The following CUL3 variants were observed in gnomAD, a reference collection of about 807,000 sequenced individuals.
CUL3 encodes the protein cullin 3.
Under a neutral mutation model 89.1 loss-of-function variants are expected in CUL3, and 19 were observed. That is an observed-to-expected ratio of 0.21 (90% CI 0.15 to 0.31). CUL3 has a LOEUF of 0.31. Ranked by LOEUF, CUL3 falls within the 10% of genes least tolerant of loss-of-function variation. CUL3 has a pLI of 1.00. For missense variants in CUL3, 469 were observed against 942.3 expected, an observed-to-expected ratio of 0.50 and a Z score of 6.58; for synonymous variants, 351 against 308.4, an observed-to-expected ratio of 1.14 and a Z score of -1.45.
At chr2:224,575,920 C>T (rs1695286846) in intron 1 of CUL3, among the ~76,000 whole-genome samples, 1 of 152,052 alleles carries the variant, frequency 6.6e-6, no homozygotes, top group Non-Finnish European at 1.5e-5. Flanking sequence ...ACACAATAAA[C>T]GTATTTTAAA....
At chr2:224,479,934 G>A (rs1469918488) in intron 14 of CUL3, 1 of 152,184 alleles carries the variant, frequency 6.6e-6, no homozygotes, top group Non-Finnish European at 1.5e-5. Flanking sequence ...TGGATGTGCA[G>A]ATCGTGCTGA....
chr2:224,486,940 A>G (rs758179227), intron 13 of CUL3, among the ~76,000 whole-genome samples: 2 of 152,222 alleles, frequency 1.3e-5, no homozygotes, highest in Non-Finnish European at 2.9e-5. Flanking sequence ...ACAAGCCAGA[A>G]GAGAGTGGGG....
intron 1 of CUL3, among the ~76,000 whole-genome samples, chr2:224,571,653 C>CA (rs11289364): frequency 1.5e-4 from 22 of 151,700 alleles, no homozygotes; most frequent in African/African-American, 5.3e-4. Context: ...GTCAACTCAC[C>CA]AAAAAAAATG....
At chr2:224,484,823 G>C (rs1456373322) in intron 13 of CUL3, among the ~76,000 whole-genome samples, 1 of 152,094 alleles carries the variant, frequency 6.6e-6, no homozygotes, top group Non-Finnish European at 1.5e-5. Context: ...TTTTAGAAAC[G>C]ACAAATTTGA....
chr2:224,584,910 G>A lies in CUL3; in HGVS notation c.66+34C>T, dbSNP rs1157412908. The stretch of plus-strand genomic sequence containing the variant: ...CGTGCGGCTCTCGGCCCGGCCCCCG[G>A]CCCCGGGGTCCCGGACGCCGAGGAG... On this transcript the variant is annotated intron_variant, in intron 1 of 15. Coordinates refer to ENST00000264414, the MANE Select transcript of CUL3 (RefSeq NM_003590.5). 3.2e-5 allele frequency: 46 copies of A among 1,442,826 alleles called. No individual in the cohort carries two copies. In the East Asian group the frequency reaches 1.4e-3, roughly 44 times the overall value. 89.4% of individuals were successfully genotyped at this position (1,442,826 alleles called of 1,614,324 possible).
chr2:224,520,444 T>C (rs1225558995), intron 3 of CUL3, among the ~76,000 whole-genome samples: 1 of 152,242 alleles, frequency 6.6e-6, no homozygotes, highest in Non-Finnish European at 1.5e-5. Flanking sequence ...AAGCACTTCA[T>C]TTGTAACATA....
chr2:224,535,268 G>A (rs886225175), intron 3 of CUL3, among the ~76,000 whole-genome samples: 15 of 152,120 alleles, frequency 9.9e-5, no homozygotes, highest in Admixed American at 8.5e-4. Flanking sequence ...CTCACCCCCC[G>A]GTTCAAGCGA....
At chr2:224,522,544 CAG>C (rs891403398) in intron 3 of CUL3, among the ~76,000 whole-genome samples, 17 of 152,122 alleles carry the variant, frequency 1.1e-4, no homozygotes, top group Non-Finnish European at 2.5e-4. Flanking sequence ...CTAAAAAGCT[CAG>C]AGTTTCCACC....
chr2:224,472,026 C>A lies in CUL3; in HGVS notation c.*2219G>T. 4.3e-6 allele frequency: 1 copy of A among 230,942 alleles called. No homozygotes were observed. The highest frequency in any genetic ancestry group is 6.2e-5 in the East Asian group (1 of 16,198). The allele number at this position is 230,942 out of a possible 1,614,324, so 14.3% of individuals were successfully genotyped here. ...AATGTTAAATGTATTTTGTTATAAC[C>A]TTTATGACCTAAAATAATACTTATG... On this transcript the variant is annotated 3_prime_UTR_variant, in exon 16 of 16. Coordinates refer to ENST00000264414, the MANE Select transcript of CUL3 (RefSeq NM_003590.5).
Position 224,577,525 on chromosome 2 carries a change from C to T in CUL3, c.66+7419G>A, listed in dbSNP as rs1157900696. On this transcript the variant is annotated intron_variant, in intron 1 of 15. Coordinates refer to ENST00000264414, the MANE Select transcript of CUL3 (RefSeq NM_003590.5). ...TGGAGCTTGCACTGAGCTGAGATCA[C>T]GCCACTGCACTCCAGCCTGGGTGAC... 2.0e-5 allele frequency among the ~76,000 whole-genome samples: 3 copies of T among 150,390 alleles called. No homozygotes were observed. In the East Asian group the frequency reaches 5.9e-4, roughly 29 times the overall value.
chr2:224,500,274 T>A, intron 11 of CUL3, 89 bp downstream of exon 11: 1 of 1,440,750 alleles, frequency 6.9e-7, no homozygotes, highest in South Asian at 1.2e-5. Flanking sequence ...AATACATTCA[T>A]CCTCAATTAC....
chr2:224,545,633 A>G (rs1694266389), intron 2 of CUL3, among the ~76,000 whole-genome samples: 1 of 152,226 alleles, frequency 6.6e-6, no homozygotes, highest in South Asian at 2.1e-4. Context: ...TCATGTATTT[A>G]TGTTTGCTTC....
intron 13 of CUL3, among the ~76,000 whole-genome samples, chr2:224,492,238 T>C (rs1007777667): frequency 1.3e-5 from 2 of 151,846 alleles, no homozygotes; most frequent in Non-Finnish European, 3.0e-5. Flanking sequence ...ATTTCCTATA[T>C]CCCCCTTTTC....
At chr2:224,529,345 T>C (rs893215705) in intron 3 of CUL3, among the ~76,000 whole-genome samples, 24 of 151,700 alleles carry the variant, frequency 1.6e-4, no homozygotes, top group African/African-American at 4.6e-4. Flanking sequence ...CGGCTGGGTG[T>C]GGTGGCTCAC....
chr2:224,475,690 T>A lies in CUL3; in HGVS notation c.2176-1314A>T, dbSNP rs191614929. On this transcript the variant is annotated intron_variant, in intron 15 of 15. Transcript: ENST00000264414. ...CCTTTGCCCTTCTTTTCTTCCAGCC[T>A]ATTAACAGCTCCTATCGACTTGCTC... Among the ~76,000 whole-genome samples the A allele has an allele frequency of 3.1e-3, 471 of 152,316 alleles. 3 individuals are homozygous for A. The highest frequency in any genetic ancestry group is 3.9e-3 in the Non-Finnish European group (267 of 68,028).
intron 3 of CUL3, 88 bp downstream of exon 3, chr2:224,535,440 G>A: frequency 1.2e-6 from 1 of 838,196 alleles, no homozygotes; most frequent in Non-Finnish European, 1.8e-6. Flanking sequence ...AAAGTGCTGG[G>A]ATTACAGGCG....
chr2:224,527,533 C>T (rs1286706311), intron 3 of CUL3, among the ~76,000 whole-genome samples: 1 of 152,206 alleles, frequency 6.6e-6, no homozygotes, highest in Non-Finnish European at 1.5e-5. Context: ...CTACAACGTT[C>T]ACACTAATGA....
intron 3 of CUL3, among the ~76,000 whole-genome samples, chr2:224,522,972 T>G (rs1693323504): frequency 6.6e-6 from 1 of 152,244 alleles, no homozygotes; most frequent in Non-Finnish European, 1.5e-5. Flanking sequence ...TAAAGTTGTG[T>G]AAACTGCAAT....
At chr2:224,507,151 T>C in intron 6 of CUL3, 148 bp from the exon 7 acceptor site, 1 of 558,622 alleles carries the variant, frequency 1.8e-6, no homozygotes, top group Non-Finnish European at 2.9e-6. Context: ...CATATATTGA[T>C]ATGAAAACAT....
Sources: allele counts gnomAD v4.1 joint callset (sites outside exome capture counted in the v4.1 genomes callset), GRCh38; gene constraint gnomAD v4.1.1; transcripts MANE v1.5; gene names NCBI Gene and HGNC (gene_info 2026-07-23, HGNC 2026-07-21).